SAP30BP: variants seen among roughly 807,000 people sequenced by gnomAD.
SAP30BP encodes the protein SAP30 binding protein, also known as SAP30-binding protein.
SAP30BP carries 31 observed loss-of-function variants against 46.3 expected under a neutral mutation model. That is an observed-to-expected ratio of 0.67 (90% confidence interval 0.50 to 0.90). The LOEUF (loss-of-function observed/expected upper bound fraction) is 0.90. Ranked by LOEUF, SAP30BP falls within the 40% of genes least tolerant of loss-of-function variation. The pLI, the probability that SAP30BP is intolerant of heterozygous loss-of-function variation, is 0.00. For synonymous variants in SAP30BP, 169 were observed against 144.2 expected, an observed-to-expected ratio of 1.17 and a Z score of -1.23; for missense variants, 312 against 391.0, an observed-to-expected ratio of 0.80 and a Z score of 1.70.
chr17:75,674,690 G>GTTTGTTTTTTTTTTTTTTTTTTTTT (rs2059958498), intron 3 of SAP30BP, among the ~76,000 whole-genome samples: 3 of 39,578 alleles, frequency 7.6e-5, no homozygotes, highest in African/African-American at 2.0e-4. Context: ...TTTTTTGTTT[G>GTTTGTTTTTTTTTTTTTTTTTTTTT]TTTTTTGTTT....
chr17:75,667,818 G>A (rs960655772), intron 1 of SAP30BP, among the ~76,000 whole-genome samples: 5 of 152,224 alleles, frequency 3.3e-5, no homozygotes, highest in African/African-American at 1.2e-4. Flanking sequence ...TAAAACATAC[G>A]TGGAAGATGG....
chr17:75,680,472 C>G (rs1403031759), intron 3 of SAP30BP, among the ~76,000 whole-genome samples: 1 of 152,216 alleles, frequency 6.6e-6, no homozygotes, highest in Non-Finnish European at 1.5e-5. Flanking sequence ...TGTGGAACCA[C>G]AGGCCTGTAA....
chr17:75,696,864 G>A (rs527556754), intron 4 of SAP30BP, among the ~76,000 whole-genome samples: 2 of 145,214 alleles, frequency 1.4e-5, no homozygotes, highest in East Asian at 4.4e-4. Flanking sequence ...TGTAAGCTCC[G>A]CCTCCTGGGT....
rs1296207720 is a variant in SAP30BP, at chr17:75,691,335, A to G, written c.265-2105A>G. On this transcript the variant is annotated intron_variant, in intron 3 of 10. Coordinates refer to ENST00000584667, the MANE Select transcript of SAP30BP (RefSeq NM_013260.8). ...TGAAGAGCCAACCTAAAGGAAAAAAATAAAATAAAGGGATAAAATACTTCC... is the reference window on the plus strand; with the variant it reads ...TGAAGAGCCAACCTAAAGGAAAAAAGTAAAATAAAGGGATAAAATACTTCC... 7.0e-6 allele frequency: 3 copies of G among 429,246 alleles called. No individual in the cohort carries two copies. The East Asian group carries it at 2.1e-4, about 30-fold the overall frequency. 26.6% of individuals were successfully genotyped at this position (429,246 alleles called of 1,614,324 possible).
intron 3 of SAP30BP, 154 bp from the exon 4 acceptor site, chr17:75,693,286 G>T (rs914493479): frequency 2.1e-5 from 13 of 613,464 alleles, no homozygotes; most frequent in Non-Finnish European, 3.2e-5. Flanking sequence ...AGGCTCGGGG[G>T]TGCCAGAGGC....
intron 3 of SAP30BP, among the ~76,000 whole-genome samples, chr17:75,686,075 C>T (rs2060152094): frequency 6.6e-6 from 1 of 152,210 alleles, no homozygotes; most frequent in South Asian, 2.1e-4. Context: ...TGCTGAGTCA[C>T]GTGGGCTTTG....
At chr17:75,667,981 AAGGATCCC>A (rs2148359775) in intron 1 of SAP30BP, 1 of 159,560 alleles carries the variant, frequency 6.3e-6, no homozygotes, top group South Asian at 1.7e-4. Flanking sequence ...TGAACTTTTT[AAGGATCCC>A]AGGTGATTTT....
In SAP30BP at chr17:75,702,481, A is replaced by C; in HGVS notation, c.398A>C (p.Asp133Ala). 6.6e-7 allele frequency: 1 copy of C among 1,506,518 alleles called. No homozygotes were observed. Among genetic ancestry groups the C allele is most frequent in the Non-Finnish European group, 9.2e-7 (1 of 1,085,118 alleles). The allele number at this position is 1,506,518 out of a possible 1,614,324, so 93.3% of individuals were successfully genotyped here. ...PPGRCSNHLQ[D>A]KIQKLYERKI... The stretch of plus-strand genomic sequence containing the variant: ...CACCCCCTCTGCTCCTCTTCACAGG[A>C]CAAGATCCAGAAGCTTTATGAACGA... The change falls in exon 6 of 11, where the codon GAC becomes GCC. Residue 133 changes from aspartate (D) to alanine (A), a missense_variant and splice_region_variant. By Grantham distance (126) the Asp-to-Ala change is moderately radical. Around this residue, in one of 2 missense-constraint regions of SAP30BP, gnomAD observed 296 missense variants for 346.6 expected, o/e 0.85. Transcript: ENST00000584667.
At chr17:75,701,547 G>C (rs11652623) in intron 5 of SAP30BP, among the ~76,000 whole-genome samples, 3,746 of 152,284 alleles carry the variant, frequency 0.025, 63 homozygotes, top group Middle Eastern at 0.037. Flanking sequence ...AGTGACCTGT[G>C]GGGGAGTTTG....
intron 9 of SAP30BP, 121 bp from the exon 10 acceptor site, chr17:75,705,886 GT>G (rs2060489046): frequency 2.8e-6 from 4 of 1,419,464 alleles, no homozygotes; most frequent in Non-Finnish European, 3.9e-6. Flanking sequence ...GCAGAGCAGA[GT>G]TCATTTCCAA....
chr17:75,707,185 G>C lies in SAP30BP; in HGVS notation c.*664G>C, dbSNP rs926383357. The C allele has an allele frequency of 1.3e-5, 2 of 152,710 alleles. No individual in the cohort carries two copies. The highest frequency in any genetic ancestry group is 2.9e-5 in the Non-Finnish European group (2 of 68,446). 9.5% of individuals were successfully genotyped at this position (152,710 alleles called of 1,614,324 possible). On this transcript the variant is annotated 3_prime_UTR_variant, in exon 11 of 11. Transcript: ENST00000584667. ...CTGTGCAGAGAGTGGGGAGGCGTCA[G>C]CGCCTGGCCAGGGCTGCCCCAGTCC... is the stretch of plus-strand genomic sequence containing the variant.
intron 3 of SAP30BP, 159 bp from the exon 4 acceptor site, chr17:75,693,281 C>CG: frequency 1.7e-6 from 1 of 605,998 alleles, no homozygotes; most frequent in South Asian, 2.1e-5. Context: ...TTCGGAGGCT[C>CG]GGGGGTGCCA....
At chr17:75,670,624 CCT>C (rs2059894833) in intron 2 of SAP30BP, among the ~76,000 whole-genome samples, 1 of 152,192 alleles carries the variant, frequency 6.6e-6, no homozygotes, top group Non-Finnish European at 1.5e-5. Context: ...TTAGTAAAAT[CCT>C]CTCATCAGAT....
chr17:75,672,656 C>T (rs1369614899), intron 3 of SAP30BP, among the ~76,000 whole-genome samples: 1 of 152,106 alleles, frequency 6.6e-6, no homozygotes, highest in East Asian at 1.9e-4. Context: ...ACCCATTTTG[C>T]AGTTAAAAAC....
At chr17:75,705,842 G>A in intron 9 of SAP30BP, 166 bp from the exon 10 acceptor site, 1 of 1,129,674 alleles carries the variant, frequency 8.9e-7, no homozygotes, top group East Asian at 2.5e-5. Context: ...GCCCCTTTGG[G>A]TTCTTCTTAG....
At chr17:75,691,263 C>A in intron 3 of SAP30BP, 1 of 364,518 alleles carries the variant, frequency 2.7e-6, no homozygotes, top group Non-Finnish European at 5.4e-6. Context: ...ACCCAACTAC[C>A]CAGTTTATTT....
chr17:75,668,495 G>T (rs182956961), intron 1 of SAP30BP, 21 bp from the exon 2 acceptor site: 18 of 1,377,610 alleles, frequency 1.3e-5, no homozygotes, highest in Non-Finnish European at 1.6e-5. Context: ...TTGTTTGTTT[G>T]TTTGTTTTTT....
At chr17:75,689,080 A>G (rs1221559924) in intron 3 of SAP30BP, among the ~76,000 whole-genome samples, 1 of 151,708 alleles carries the variant, frequency 6.6e-6, no homozygotes, top group Non-Finnish European at 1.5e-5. Context: ...CTCAGCGTTT[A>G]AACCATACTT....
At chr17:75,688,808 G>A (rs1023607831) in intron 3 of SAP30BP, among the ~76,000 whole-genome samples, 1 of 152,146 alleles carries the variant, frequency 6.6e-6, no homozygotes, top group Non-Finnish European at 1.5e-5. Context: ...TCTGCAGGAG[G>A]AACCATATTC....
Sources: gnomAD v4.1 joint callset for allele counts (sites outside exome capture counted in the v4.1 genomes callset) on GRCh38, gnomAD v4.1.1 for gene constraint, gnomAD v4.1.1 regional missense constraint, MANE v1.5 for transcripts, NCBI Gene and HGNC (gene_info 2026-07-23, HGNC 2026-07-21) for gene names.